SLC39A11: variants seen among roughly 807,000 people sequenced by gnomAD.
SLC39A11 encodes zinc transporter ZIP11.
SLC39A11 carries 33 observed loss-of-function variants against 36.1 expected under a neutral mutation model. That is an observed-to-expected ratio of 0.91 (90% CI 0.69 to 1.22). The LOEUF (loss-of-function observed/expected upper bound fraction) is 1.22, where lower values mean the gene tolerates loss of function less well. Among genes scored for constraint, SLC39A11 ranks in the 50% most tolerant of loss-of-function variants. The probability of loss-of-function intolerance (pLI) is 0.00; values close to 1 mark genes in which losing one functional copy is unlikely to be tolerated. For missense variants in SLC39A11, 432 were observed against 430.3 expected, an observed-to-expected ratio of 1.00 and a Z score of -0.03; for synonymous variants, 166 against 170.3, an observed-to-expected ratio of 0.97 and a Z score of 0.20.
intron 4 of SLC39A11, among the ~76,000 whole-genome samples, chr17:72,948,579 C>T (rs1312717114): frequency 6.6e-6 from 1 of 152,216 alleles, no homozygotes; most frequent in African/African-American, 2.4e-5. Context: ...GAGATCCAAA[C>T]AAAACCATCT....
intron 6 of SLC39A11, among the ~76,000 whole-genome samples, chr17:72,760,101 A>G (rs1384903353): frequency 6.6e-6 from 1 of 152,208 alleles, no homozygotes; most frequent in African/African-American, 2.4e-5. Context: ...ATCTCGGCTC[A>G]CTGCAACCTT....
At chr17:72,775,884 G>A (rs1219906886) in intron 6 of SLC39A11, among the ~76,000 whole-genome samples, 4 of 152,196 alleles carry the variant, frequency 2.6e-5, no homozygotes, top group Non-Finnish European at 4.4e-5. Context: ...CTTCGTATCT[G>A]CACGTATTTC....
chr17:72,918,663 T>C (rs1025788758), intron 5 of SLC39A11, among the ~76,000 whole-genome samples: 15 of 152,228 alleles, frequency 9.9e-5, no homozygotes, highest in African/African-American at 3.4e-4. Context: ...TGGCTTGTGC[T>C]GCACAGATGA....
chr17:72,913,567 AG>A (rs1325307925), intron 5 of SLC39A11, among the ~76,000 whole-genome samples: 3 of 152,152 alleles, frequency 2.0e-5, no homozygotes, highest in East Asian at 1.9e-4. Flanking sequence ...AGGATGAAGT[AG>A]GGGGTAGGGG....
At chr17:73,081,666 CACACAT>C (rs2060521904) in intron 3 of SLC39A11, among the ~76,000 whole-genome samples, 1 of 78,484 alleles carries the variant, frequency 1.3e-5, no homozygotes, top group Non-Finnish European at 2.5e-5. Flanking sequence ...CACACACACA[CACACAT>C]ATATATACAC....
At chr17:73,011,666 G>GC (rs2090524206) in intron 4 of SLC39A11, among the ~76,000 whole-genome samples, 1 of 143,556 alleles carries the variant, frequency 7.0e-6, no homozygotes, top group Admixed American at 6.9e-5. Context: ...GGTTTTCTTG[G>GC]TTTTTTTTTT....
chr17:72,880,296 T>C (rs973618792), intron 5 of SLC39A11, among the ~76,000 whole-genome samples: 1 of 152,148 alleles, frequency 6.6e-6, no homozygotes, highest in African/African-American at 2.4e-5. Flanking sequence ...GGGCTGGGCA[T>C]GGTGGCTCAT....
At chr17:72,738,238 T>C (rs535619294) in intron 6 of SLC39A11, among the ~76,000 whole-genome samples, 22 of 152,220 alleles carry the variant, frequency 1.4e-4, no homozygotes, top group Admixed American at 1.4e-3. Flanking sequence ...TCTCCCGACC[T>C]CGTGATCCAC....
chr17:72,686,479 A>C (rs905248004), intron 7 of SLC39A11, among the ~76,000 whole-genome samples: 1 of 152,176 alleles, frequency 6.6e-6, no homozygotes, highest in Non-Finnish European at 1.5e-5. Flanking sequence ...CGTTCGTGAT[A>C]GTAAAGACAG....
At chr17:73,029,142 T>C (rs1188644550) in intron 4 of SLC39A11, among the ~76,000 whole-genome samples, 1 of 149,836 alleles carries the variant, frequency 6.7e-6, no homozygotes, top group African/African-American at 2.4e-5. Flanking sequence ...AAATTACTGC[T>C]GCATAGTGCA....
rs532985239 is a variant in SLC39A11 at position 72,975,073 on chromosome 17, C to T, written c.307-27198G>A. Reference sequence around the variant, plus strand: ...GACATTTCTCAGCATGTATCCCCACCGTTGAGTAATGCATGACTTTATTAG... The same window carrying T: ...GACATTTCTCAGCATGTATCCCCACTGTTGAGTAATGCATGACTTTATTAG... On this transcript the variant is annotated intron_variant, in intron 4 of 9. Coordinates refer to ENST00000255559, the MANE Select transcript of SLC39A11 (RefSeq NM_139177.4). Among the ~76,000 whole-genome samples, 5 of 152,234 alleles carry T rather than the reference C, an allele frequency of 3.3e-5. No homozygotes were observed. In the East Asian group the frequency reaches 5.8e-4, roughly 18 times the overall value.
chr17:73,090,003 G>A (rs2060873145), intron 1 of SLC39A11, among the ~76,000 whole-genome samples: 1 of 152,136 alleles, frequency 6.6e-6, no homozygotes, highest in African/African-American at 2.4e-5. Flanking sequence ...TGGGCTCAGG[G>A]CCTCATATCA....
intron 3 of SLC39A11, among the ~76,000 whole-genome samples, chr17:73,035,681 T>C (rs1243247362): frequency 6.6e-6 from 1 of 151,526 alleles, no homozygotes; most frequent in Non-Finnish European, 1.5e-5. Context: ...CTGACCAACA[T>C]GGTGAAATCC....
At chr17:72,997,221 C>G (rs767476709) in intron 4 of SLC39A11, among the ~76,000 whole-genome samples, 1 of 152,128 alleles carries the variant, frequency 6.6e-6, no homozygotes, top group Non-Finnish European at 1.5e-5. Flanking sequence ...AATGAACGAG[C>G]CGGCCTGCTG....
intron 5 of SLC39A11, among the ~76,000 whole-genome samples, chr17:72,879,444 C>T (rs986888713): frequency 3.3e-5 from 5 of 152,186 alleles, no homozygotes; most frequent in Non-Finnish European, 2.9e-5. Context: ...GCTAGAATGC[C>T]GGAGGAAAAC....
intron 6 of SLC39A11, among the ~76,000 whole-genome samples, chr17:72,764,921 G>A (rs1457392217): frequency 6.6e-6 from 1 of 152,156 alleles, no homozygotes; most frequent in East Asian, 1.9e-4. Flanking sequence ...GAAAATCATG[G>A]CAGTGATCTC....
intron 3 of SLC39A11, among the ~76,000 whole-genome samples, chr17:73,059,128 TAA>T (rs1188041522): frequency 2.0e-5 from 3 of 152,228 alleles, no homozygotes; most frequent in African/African-American, 7.2e-5. Context: ...CTGCTAAACA[TAA>T]GTTTCAAGTA....
At chr17:72,706,664 C>T (rs188045017) in intron 7 of SLC39A11, among the ~76,000 whole-genome samples, 23 of 152,326 alleles carry the variant, frequency 1.5e-4, no homozygotes, top group African/African-American at 5.5e-4. Context: ...TTTTTCTTCC[C>T]CTCATGACCC....
intron 6 of SLC39A11, among the ~76,000 whole-genome samples, chr17:72,807,275 G>A (rs1301277170): frequency 6.6e-6 from 1 of 152,164 alleles, no homozygotes; most frequent in African/African-American, 2.4e-5. Context: ...CCGAAGGCAT[G>A]CCTCAAAAGT....
Sources: gnomAD v4.1 joint callset for allele counts (sites outside exome capture counted in the v4.1 genomes callset) on GRCh38, gnomAD v4.1.1 for gene constraint, MANE v1.5 for transcripts, NCBI Gene and HGNC (gene_info 2026-07-23, HGNC 2026-07-21) for gene names.